SLC16A3: variants seen among roughly 807,000 people sequenced by gnomAD.
The protein encoded by SLC16A3 is monocarboxylate transporter 4.
In SLC16A3, 22 loss-of-function variants were observed where a neutral mutation model predicts 25.0. The ratio of observed to expected loss-of-function variants is 0.88; its 90% CI spans 0.63 to 1.26. SLC16A3 has a LOEUF of 1.26. Among genes scored for constraint, SLC16A3 ranks in the 50% most tolerant of loss-of-function variants. The pLI is 0.00. For synonymous variants in SLC16A3, 390 were observed against 309.2 expected (o/e 1.26, Z -2.74); for missense variants, 731 against 666.6 (o/e 1.10, Z -1.06).
chr17:82,237,776 G>A lies in SLC16A3; in HGVS notation c.1006G>A (p.Gly336Arg). Residue 336 changes from glycine (G) to arginine (R), a missense_variant, in exon 4 of 5, where the codon GGG becomes AGG. Transcript: ENST00000582743. ...IFFGISYGMV[G>R]ALQFEVLMAI... Reference sequence around the variant, plus strand: ...CTTTGGCATCTCCTACGGCATGGTGGGGGCCCTGCAGTTCGAGGTGCTCAT... The same window carrying A: ...CTTTGGCATCTCCTACGGCATGGTGAGGGCCCTGCAGTTCGAGGTGCTCAT... 2 of 1,611,810 alleles carry A rather than the reference G, an allele frequency of 1.2e-6. No homozygotes were observed. The highest frequency in any genetic ancestry group is 1.7e-6 in the Non-Finnish European group (2 of 1,179,958).
At chr17:82,234,288 GCGACACT>G (rs1220862995) in intron 1 of SLC16A3, 1 of 133,128 alleles carries the variant, frequency 7.5e-6, no homozygotes, top group Non-Finnish European at 1.6e-5. Flanking sequence ...CCTGAGGCGT[GCGACACT>G]CTGTCCTGTC....
At chr17:82,237,926 C>T in intron 4 of SLC16A3, 33 bp downstream of exon 4, 1 of 1,584,070 alleles carries the variant, frequency 6.3e-7, no homozygotes, top group Non-Finnish European at 8.5e-7. Flanking sequence ...GTTCCCCACA[C>T]CTGCCCTTCC....
At chr17:82,224,162 A>C (rs1478119345), upstream of SLC16A3, among the ~76,000 whole-genome samples, 2 of 62,788 alleles carry the variant, frequency 3.2e-5, no homozygotes, top group African/African-American at 6.7e-5. Context: ...ACACCCCTAC[A>C]CCCGTGCAGA....
upstream of SLC16A3, among the ~76,000 whole-genome samples, chr17:82,228,015 C>T (rs1310765060): frequency 6.6e-6 from 1 of 152,212 alleles, no homozygotes; most frequent in Non-Finnish European, 1.5e-5. Context: ...TCCATTGATA[C>T]CCCCTGCCTC....
Position 82,237,870 on chromosome 17 carries a change from T to C in SLC16A3, c.1100T>C (p.Val367Ala). The C allele has an allele frequency of 1.2e-6, 2 of 1,600,814 alleles. No homozygotes were observed. Among genetic ancestry groups the C allele is most frequent in the Non-Finnish European group, 8.5e-7 (1 of 1,179,718 alleles). Residue 367 changes from valine to alanine, a missense_variant, in exon 4 of 5, where the codon GTG becomes GCG. Physicochemically the swap from Val to Ala is moderately conservative, Grantham distance 64 (BLOSUM62 0). Coordinates refer to ENST00000582743, the MANE Select transcript of SLC16A3 (RefSeq NM_004207.4). ...GTGCTGCTGATGGAGGCGGTGGCCGTGCTCGTCGGGCCCCCTTCGGGAGGT... is the reference window on the plus strand; with the variant it reads ...GTGCTGCTGATGGAGGCGGTGGCCGCGCTCGTCGGGCCCCCTTCGGGAGGT... The part of the protein sequence containing the change: ...GLVLLMEAVA[V>A]LVGPPSGGKL...
upstream of SLC16A3, among the ~76,000 whole-genome samples, chr17:82,223,779 T>G (rs59015878): frequency 6.6e-6 from 1 of 152,008 alleles, no homozygotes; most frequent in Non-Finnish European, 1.5e-5. Context: ...CTTTCCCCAC[T>G]TGACCACATT....
chr17:82,224,025 C>G (rs908619687), upstream of SLC16A3, among the ~76,000 whole-genome samples: 1 of 146,010 alleles, frequency 6.8e-6, no homozygotes, highest in Non-Finnish European at 1.5e-5. Flanking sequence ...CACAGAGACA[C>G]CTGTGCAGAC....
At chr17:82,220,495 G>A (rs750351906) in intron 1 of SLC16A3, among the ~76,000 whole-genome samples, 4 of 152,212 alleles carry the variant, frequency 2.6e-5, no homozygotes, top group Non-Finnish European at 5.9e-5. Flanking sequence ...TTCCGGCCAG[G>A]CATGGTGGCT....
chr17:82,231,387 T>TCACCTTCCCCCCCGGGTCCCCACGACGC (rs1307289646), intron 1 of SLC16A3: 2 of 152,070 alleles, frequency 1.3e-5, no homozygotes, highest in Non-Finnish European at 2.9e-5. Flanking sequence ...CTCCCGGTCT[T>TCACCTTCCCCCCCGGGTCCCCACGACGC]CACCTTCCCC....
chr17:82,225,240 G>A (rs1015477521), upstream of SLC16A3, among the ~76,000 whole-genome samples: 5 of 152,074 alleles, frequency 3.3e-5, no homozygotes, highest in African/African-American at 7.2e-5. Context: ...CCAGCCCGGT[G>A]ACAGAGTGAG....
At chr17:82,219,552 G>A (rs1197137137) in intron 1 of SLC16A3, among the ~76,000 whole-genome samples, 1 of 140,486 alleles carries the variant, frequency 7.1e-6, no homozygotes, top group Non-Finnish European at 1.5e-5. Flanking sequence ...GCCCCAGCTG[G>A]CAGGGGGACC....
intron 1 of SLC16A3, chr17:82,234,562 G>C (rs1245319544): frequency 1.3e-5 from 2 of 152,192 alleles, no homozygotes; most frequent in African/African-American, 2.4e-5. Flanking sequence ...GGAACACTTA[G>C]GAAGCCCTTA....
At chr17:82,238,335 T>C (rs771753282) in intron 4 of SLC16A3, among the ~76,000 whole-genome samples, 7 of 152,134 alleles carry the variant, frequency 4.6e-5, no homozygotes, top group Non-Finnish European at 1.0e-4. Context: ...GGAGGGCTCA[T>C]GTCTTGGAGT....
chr17:82,239,075 C>T lies in SLC16A3; in HGVS notation c.*99C>T, dbSNP rs1386270070. 8.9e-6 allele frequency: 11 copies of T among 1,239,126 alleles called. No individual in the cohort carries two copies. The highest frequency in any genetic ancestry group is 1.1e-5 in the Non-Finnish European group (10 of 915,594). The allele number at this position is 1,239,126 out of a possible 1,614,324, so 76.8% of individuals were successfully genotyped here. ...TGGACTGGCTCAGGCAGGGCCACGGCTGGGCTCCAGCTGCCGGCCCAGCGG... is the reference window on the plus strand; with the variant it reads ...TGGACTGGCTCAGGCAGGGCCACGGTTGGGCTCCAGCTGCCGGCCCAGCGG... On this transcript the variant is annotated 3_prime_UTR_variant, in exon 5 of 5. Transcript: ENST00000582743.
At chr17:82,234,123 A>C (rs1037713962) in intron 1 of SLC16A3, 2 of 152,228 alleles carry the variant, frequency 1.3e-5, no homozygotes, top group Non-Finnish European at 2.9e-5. Context: ...TACAGGCGTG[A>C]GCCACCGCGC....
Position 82,240,029 on chromosome 17 carries a change from C to T in SLC16A3, c.*1053C>T, listed in dbSNP as rs762821628. The T allele has an allele frequency of 6.4e-5, 79 of 1,233,680 alleles. No homozygotes were observed. The highest frequency in any genetic ancestry group is 2.9e-4 in the African/African-American group (19 of 64,468). 76.4% of individuals were successfully genotyped at this position (1,233,680 alleles called of 1,614,324 possible). On this transcript the variant is annotated 3_prime_UTR_variant, in exon 5 of 5. Coordinates refer to ENST00000582743, the MANE Select transcript of SLC16A3 (RefSeq NM_004207.4). ...CGGCAGCGGGTGCCCTGGCGGGCCG[C>T]GTGCAGCCGGAGAGATGCCATGTCC...
intron 1 of SLC16A3, among the ~76,000 whole-genome samples, chr17:82,221,872 A>G (rs1449587619): frequency 6.6e-6 from 1 of 152,132 alleles, no homozygotes; most frequent in Non-Finnish European, 1.5e-5. Context: ...TGGTCTCTGA[A>G]AAACAAACAC....
rs2050682797 is a variant in SLC16A3 at position 82,238,684 on chromosome 17, GA to G, written c.1124-17del. ...GCAGCCCGCATGAGCGGCTGGGACT[GA>G]CGGGGTCTTCCCGCAGGCAAACTCC... On this transcript the variant is annotated splice_polypyrimidine_tract_variant and intron_variant, in intron 4 of 4. Coordinates refer to ENST00000582743, the MANE Select transcript of SLC16A3 (RefSeq NM_004207.4). 1 of 1,600,594 alleles carries G rather than the reference GA, an allele frequency of 6.2e-7. No homozygotes were observed. Among genetic ancestry groups the G allele is most frequent in the African/African-American group, 1.3e-5 (1 of 74,744 alleles).
At chr17:82,234,016 A>AT (rs1380758907) in intron 1 of SLC16A3, 2 of 151,548 alleles carry the variant, frequency 1.3e-5, no homozygotes, top group African/African-American at 4.9e-5. Context: ...AATTTTTTTT[A>AT]TTTTTAGTAG....
Sources: gnomAD v4.1 joint callset for allele counts (sites outside exome capture counted in the v4.1 genomes callset) on GRCh38, gnomAD v4.1.1 for gene constraint, MANE v1.5 for transcripts, NCBI Gene and HGNC (gene_info 2026-07-23, HGNC 2026-07-21) for gene names.